The following STX18 variants were observed in gnomAD, a reference collection of about 807,000 sequenced individuals.
STX18 encodes syntaxin-18.
STX18 carries 40 observed loss-of-function variants against 50.1 expected under a neutral mutation model. The observed-to-expected ratio is 0.80, with a 90% CI of 0.62 to 1.04. The LOEUF (loss-of-function observed/expected upper bound fraction) is 1.04, where lower values mean the gene tolerates loss of function less well. STX18 is among the 50% of genes least tolerant of loss of function. The pLI is 0.00. For synonymous variants in STX18, 158 were observed against 151.8 expected (o/e 1.04, Z -0.30); for missense variants, 410 against 415.8 (o/e 0.99, Z 0.12).
intron 1 of STX18, among the ~76,000 whole-genome samples, chr4:4,537,564 T>G (rs1233664937): frequency 6.6e-6 from 1 of 152,192 alleles, no homozygotes; most frequent in East Asian, 1.9e-4. Flanking sequence ...GGATAAGAGC[T>G]AGAGAAAGAA....
intron 1 of STX18, among the ~76,000 whole-genome samples, chr4:4,533,883 C>T (rs754697492): frequency 4.6e-5 from 7 of 152,196 alleles, no homozygotes; most frequent in Non-Finnish European, 8.8e-5. Flanking sequence ...AATCAACTAT[C>T]CCTGAGAATC....
Position 4,419,872 on chromosome 4 carries a change from T to A in STX18, c.*162A>T, listed in dbSNP as rs554900494. The A allele has an allele frequency of 1.6e-6, 1 of 634,544 alleles. No homozygotes were observed. Among genetic ancestry groups the A allele is most frequent in the East Asian group, 2.8e-5 (1 of 35,490 alleles). 39.3% of individuals were successfully genotyped at this position (634,544 alleles called of 1,614,324 possible). A position where few individuals can be genotyped will look rare whatever the true frequency, so the allele number is the denominator to read the frequency against. On this transcript the variant is annotated 3_prime_UTR_variant, in exon 11 of 11. Coordinates refer to ENST00000306200, the MANE Select transcript of STX18 (RefSeq NM_016930.4). ...ATGGCTGAACACCATCGGCCTGGGG[T>A]ATCCCTTTTTGGGGAATACGTCTGT...
At chr4:4,484,400 T>C (rs1728610572) in intron 1 of STX18, among the ~76,000 whole-genome samples, 1 of 152,218 alleles carries the variant, frequency 6.6e-6, no homozygotes, top group South Asian at 2.1e-4. Flanking sequence ...TGAGTCGAGC[T>C]GAATTTACAT....
At chr4:4,542,124 G>A (rs1354123161), upstream of STX18, 1 of 995,216 alleles carries the variant, frequency 1.0e-6, no homozygotes, top group African/African-American at 1.7e-5. Context: ...TGCTACCGCG[G>A]CGGGAGGAAA....
chr4:4,483,913 G>C (rs1401262011), intron 1 of STX18, among the ~76,000 whole-genome samples: 2 of 151,846 alleles, frequency 1.3e-5, no homozygotes, highest in Non-Finnish European at 2.9e-5. Flanking sequence ...CCAGGCTGGA[G>C]TGCAGTGGCA....
At chr4:4,520,072 A>G (rs1285494468) in intron 1 of STX18, among the ~76,000 whole-genome samples, 2 of 152,242 alleles carry the variant, frequency 1.3e-5, no homozygotes, top group African/African-American at 2.4e-5. Context: ...ATTCCTTCAC[A>G]GTAAAACATT....
chr4:4,442,957 T>G (rs1726201995), intron 5 of STX18, among the ~76,000 whole-genome samples: 1 of 152,200 alleles, frequency 6.6e-6, no homozygotes, highest in Admixed American at 6.5e-5. Flanking sequence ...AGATGATGCA[T>G]ATTAACAACT....
At chr4:4,472,202 T>A (rs981661738) in intron 1 of STX18, among the ~76,000 whole-genome samples, 1 of 152,224 alleles carries the variant, frequency 6.6e-6, no homozygotes, top group East Asian at 1.9e-4. Flanking sequence ...GTCTTTCCTA[T>A]GGGCTATTTC....
intron 1 of STX18, among the ~76,000 whole-genome samples, chr4:4,511,521 A>G (rs1179555822): frequency 6.6e-6 from 1 of 152,176 alleles, no homozygotes; most frequent in Non-Finnish European, 1.5e-5. Context: ...CTTTGCTTCA[A>G]TAGTTTGGAA....
In STX18 at chr4:4,436,950, CTTTTTTTTTTTT is replaced by C. The variant is rs34174730; in HGVS notation, c.613+1432_613+1443del. On this transcript the variant is annotated intron_variant, in intron 6 of 10. Coordinates refer to ENST00000306200, the MANE Select transcript of STX18 (RefSeq NM_016930.4). ...TTTTATTTTTTCAGGTCCAGACTCA[CTTTTTTTTTTTT>C]TTTTTTTTTTTTTTGAGACGGAATT... is the stretch of plus-strand genomic sequence containing the variant. Among the ~76,000 whole-genome samples the C allele has an allele frequency of 5.1e-4, 60 of 116,770 alleles. No homozygotes were observed. The South Asian group carries it at 0.014, about 27-fold the overall frequency. 76.6% of individuals were successfully genotyped at this position (116,770 alleles called of 152,430 possible).
intron 1 of STX18, among the ~76,000 whole-genome samples, chr4:4,532,318 T>A (rs1033982317): frequency 1.3e-5 from 2 of 152,200 alleles, no homozygotes; most frequent in African/African-American, 4.8e-5. Flanking sequence ...CTTACTAATT[T>A]TATAATCAGA....
chr4:4,438,517 T>C lies in STX18; in HGVS notation c.498-8A>G, dbSNP rs768124911. The stretch of plus-strand genomic sequence containing the variant: ...TCTGGTTCCAGCTTAGATCTAAAAA[T>C]AAATAATTAGCAGGCAGGTATTTTA... On this transcript the variant is annotated splice_polypyrimidine_tract_variant and splice_region_variant and intron_variant, in intron 5 of 10. Transcript: ENST00000306200. The C allele has an allele frequency of 2.5e-6, 4 of 1,591,194 alleles. No homozygotes were observed. In the Admixed American group the frequency reaches 6.9e-5, roughly 27 times the overall value.
chr4:4,457,061 G>A (rs1048247896), intron 5 of STX18, 130 bp downstream of exon 5: 22 of 825,044 alleles, frequency 2.7e-5, no homozygotes, highest in African/African-American at 1.5e-4. Context: ...GCCCGGTAGC[G>A]CCAGCTATGG....
chr4:4,490,878 T>C (rs1472143688), intron 1 of STX18, among the ~76,000 whole-genome samples: 1 of 152,190 alleles, frequency 6.6e-6, no homozygotes, highest in East Asian at 1.9e-4. Context: ...TGCTTTTGCA[T>C]GTTTATTATC....
chr4:4,471,832 G>T, intron 1 of STX18, 126 bp from the exon 2 acceptor site: 1 of 658,470 alleles, frequency 1.5e-6, no homozygotes, highest in Non-Finnish European at 2.5e-6. Context: ...GAGCACCGTC[G>T]GTTTTGGACT....
Position 4,420,857 on chromosome 4 carries a change from T to C in STX18, c.912+7A>G. ...CGTCGCACCTGGGGAACCTAAACAG[T>C]GCCTACCTCTCTTATGTCTTCGTTG... On this transcript the variant is annotated splice_region_variant and intron_variant, in intron 10 of 10. Coordinates refer to ENST00000306200, the MANE Select transcript of STX18 (RefSeq NM_016930.4). This position sits in a 1 kb window ranked among gnomAD's most constrained non-coding sequence, Gnocchi z 4.3. The C allele has an allele frequency of 6.2e-7, 1 of 1,613,970 alleles. No individual in the cohort carries two copies. Among genetic ancestry groups the C allele is most frequent in the Non-Finnish European group, 8.5e-7 (1 of 1,179,848 alleles).
chr4:4,496,185 G>A (rs904145558), intron 1 of STX18, among the ~76,000 whole-genome samples: 4 of 152,186 alleles, frequency 2.6e-5, no homozygotes, highest in African/African-American at 9.7e-5. Flanking sequence ...TGCCAAAGCT[G>A]CCAATAAGCG....
chr4:4,520,731 G>GA (rs532117699), intron 1 of STX18, among the ~76,000 whole-genome samples: 34 of 149,726 alleles, frequency 2.3e-4, no homozygotes, highest in African/African-American at 4.4e-4. Flanking sequence ...AATCTGCAGA[G>GA]AAAAAAAAAC....
chr4:4,502,575 G>GA (rs902960947), intron 1 of STX18, among the ~76,000 whole-genome samples: 30 of 150,968 alleles, frequency 2.0e-4, no homozygotes, highest in African/African-American at 6.6e-4. Flanking sequence ...CATTATCAGT[G>GA]AAAAAAAAAT....
Sources: gnomAD v4.1 joint callset for allele counts (sites outside exome capture counted in the v4.1 genomes callset) on GRCh38, gnomAD v4.1.1 for gene constraint, Gnocchi (gnomAD v3.1) non-coding constraint, MANE v1.5 for transcripts, NCBI Gene and HGNC (gene_info 2026-07-23, HGNC 2026-07-21) for gene names.